Variants in NALF1 observed in about 807,000 individuals in gnomAD.
The protein encoded by NALF1 is NALCN channel auxiliary factor 1.
Under a neutral mutation model 48.4 loss-of-function variants are expected in NALF1, and 3 were observed. The ratio of observed to expected loss-of-function variants is 0.06; its 90% confidence interval spans 0.03 to 0.16. The LOEUF (loss-of-function observed/expected upper bound fraction) is 0.16, where lower values mean the gene tolerates loss of function less well. Among genes scored for constraint, NALF1 ranks in the 10% least tolerant of loss-of-function variants. The pLI is 1.00. For missense variants in NALF1, 526 were observed against 571.5 expected (o/e 0.92, Z 0.81); for synonymous variants, 262 against 245.7 (o/e 1.07, Z -0.62).
At chr13:107,787,267 A>AT (rs1566481728) in intron 1 of NALF1, among the ~76,000 whole-genome samples, 3 of 152,150 alleles carry the variant, frequency 2.0e-5, no homozygotes, top group African/African-American at 7.2e-5. Flanking sequence ...ATAAACACTA[A>AT]TTTTTTTCAA....
chr13:107,823,691 A>G (rs1161603321), intron 1 of NALF1, among the ~76,000 whole-genome samples: 2 of 152,148 alleles, frequency 1.3e-5, no homozygotes, highest in Non-Finnish European at 2.9e-5. Context: ...CCTTCCAGAG[A>G]GCTTTCATGC....
intron 1 of NALF1, among the ~76,000 whole-genome samples, chr13:107,827,352 A>C (rs865783059): frequency 6.6e-6 from 1 of 152,154 alleles, no homozygotes; most frequent in Non-Finnish European, 1.5e-5. Flanking sequence ...GGTTCATCTG[A>C]CCTGAAAGAT....
chr13:107,767,643 G>T (rs1274534326), intron 1 of NALF1, among the ~76,000 whole-genome samples: 1 of 152,052 alleles, frequency 6.6e-6, no homozygotes, highest in Admixed American at 6.6e-5. Flanking sequence ...AAAAGTTATC[G>T]GTACGCTGCT....
At position 107,649,770 on chromosome 13, in the gene NALF1, A is replaced by G. The variant is rs535790353; in HGVS notation, c.915+215912T>C. On this transcript the variant is annotated intron_variant, in intron 1 of 2. Transcript: ENST00000375915. ...TAACTGAGATAGTACAGGGTATTCA[A>G]CTTTGTATATAAGAGACTTTCTGTC... Among the ~76,000 whole-genome samples the G allele has an allele frequency of 3.9e-5, 6 of 152,286 alleles. No homozygotes were observed. The East Asian group carries it at 1.2e-3, about 29-fold the overall frequency.
At chr13:107,793,346 TCAACA>T (rs1344686401) in intron 1 of NALF1, among the ~76,000 whole-genome samples, 1 of 152,204 alleles carries the variant, frequency 6.6e-6, no homozygotes, top group African/African-American at 2.4e-5. Flanking sequence ...ATTCACATTG[TCAACA>T]CTAGAACTGG....
chr13:107,546,848 C>G (rs1211738818), intron 1 of NALF1, among the ~76,000 whole-genome samples: 1 of 151,930 alleles, frequency 6.6e-6, no homozygotes, highest in Non-Finnish European at 1.5e-5. Flanking sequence ...ACTTGAGTGC[C>G]TAATATAATA....
intron 1 of NALF1, among the ~76,000 whole-genome samples, chr13:107,614,705 A>G (rs1375286809): frequency 6.6e-6 from 1 of 151,212 alleles, no homozygotes; most frequent in East Asian, 1.9e-4. Flanking sequence ...ATTGAAATGC[A>G]GGCACCTCTT....
chr13:107,354,236 G>A (rs1007382466), intron 1 of NALF1, among the ~76,000 whole-genome samples: 8 of 152,188 alleles, frequency 5.3e-5, no homozygotes, highest in Admixed American at 4.6e-4. Context: ...TGAGCCAGCT[G>A]GACTTTAGCA....
At chr13:107,572,895 C>A (rs541355924) in intron 1 of NALF1, among the ~76,000 whole-genome samples, 1 of 152,258 alleles carries the variant, frequency 6.6e-6, no homozygotes, top group South Asian at 2.1e-4. Context: ...TCAAAACATG[C>A]CAGTGACTTC....
At chr13:107,186,617 C>T (rs1038178167) in intron 2 of NALF1, among the ~76,000 whole-genome samples, 2 of 152,278 alleles carry the variant, frequency 1.3e-5, no homozygotes, top group Admixed American at 6.5e-5. Context: ...CTGCCCACCT[C>T]GGCCTCCCAA....
chr13:107,326,700 G>A (rs539684044), intron 1 of NALF1, among the ~76,000 whole-genome samples: 1 of 152,298 alleles, frequency 6.6e-6, no homozygotes, highest in Non-Finnish European at 1.5e-5. Context: ...CTTTAAGTGG[G>A]CTTTAGACCC....
chr13:107,613,721 A>G (rs1003164046), intron 1 of NALF1, among the ~76,000 whole-genome samples: 1 of 152,244 alleles, frequency 6.6e-6, no homozygotes, highest in African/African-American at 2.4e-5. Context: ...TTAACACAGC[A>G]TAGCGCTTAG....
In NALF1 at chr13:107,446,405, T is replaced by TCACACACACACA. The variant is rs34962012; in HGVS notation, c.916-235662_916-235651dup. Among the ~76,000 whole-genome samples the TCACACACACACA allele has an allele frequency of 4.8e-3, 697 of 146,076 alleles. 3 individuals are homozygous for TCACACACACACA. The highest frequency in any genetic ancestry group is 0.011 in the South Asian group (51 of 4,500). On this transcript the variant is annotated intron_variant, in intron 1 of 2. Transcript: ENST00000375915. ...ACTAGTAACAATGCCATAATTAAAT[T>TCACACACACACA]CACACACACACACACACACACACAC...
intron 1 of NALF1, among the ~76,000 whole-genome samples, chr13:107,572,033 C>G (rs1340308618): frequency 6.6e-6 from 1 of 152,140 alleles, no homozygotes; most frequent in East Asian, 1.9e-4. Flanking sequence ...TCAACTATCA[C>G]TATAAATAGC....
rs148657967 is a variant in NALF1, at chr13:107,229,657, A to G, written c.916-18902T>C. On this transcript the variant is annotated intron_variant, in intron 1 of 2. Transcript: ENST00000375915. ...GCACCCCACACCCATGAACATTTATATTTTTATCCCTGGTGTTAAATCAAT... is the reference window on the plus strand; with the variant it reads ...GCACCCCACACCCATGAACATTTATGTTTTTATCCCTGGTGTTAAATCAAT... Among the ~76,000 whole-genome samples the G allele has an allele frequency of 9.6e-3, 1,457 of 152,188 alleles. 26 individuals are homozygous for G. The highest frequency in any genetic ancestry group is 0.034 in the African/African-American group (1,401 of 41,508).
intron 1 of NALF1, among the ~76,000 whole-genome samples, chr13:107,701,207 C>T (rs926440622): frequency 6.6e-6 from 1 of 152,128 alleles, no homozygotes; most frequent in Admixed American, 6.5e-5. Flanking sequence ...CAGCATTATT[C>T]CCAAGAGCCA....
At chr13:107,487,818 T>G (rs186254695) in intron 1 of NALF1, among the ~76,000 whole-genome samples, 1 of 152,010 alleles carries the variant, frequency 6.6e-6, no homozygotes, top group African/African-American at 2.4e-5. Flanking sequence ...CGGACTCCCT[T>G]TTTTCCCATT....
At chr13:107,375,037 T>A (rs904212114) in intron 1 of NALF1, among the ~76,000 whole-genome samples, 1 of 152,196 alleles carries the variant, frequency 6.6e-6, no homozygotes, top group East Asian at 1.9e-4. Context: ...TCTAACTGTA[T>A]AAACTGCTCA....
chr13:107,451,660 T>G (rs1412175611), intron 1 of NALF1, among the ~76,000 whole-genome samples: 1 of 152,214 alleles, frequency 6.6e-6, no homozygotes, highest in African/African-American at 2.4e-5. Flanking sequence ...CGAACAGATT[T>G]CCCTTTCCCA....
Sources: allele counts gnomAD v4.1 joint callset (sites outside exome capture counted in the v4.1 genomes callset), GRCh38; gene constraint gnomAD v4.1.1; transcripts MANE v1.5; gene names NCBI Gene and HGNC (gene_info 2026-07-23, HGNC 2026-07-21).